The following SYNE1 variants were observed in gnomAD, a reference collection of about 807,000 sequenced individuals.
SYNE1 encodes the protein nesprin-1.
In SYNE1, 616 loss-of-function variants were observed where a neutral mutation model predicts 1,111.0. The ratio of observed to expected loss-of-function variants is 0.55; its 90% CI spans 0.52 to 0.59. SYNE1 has a LOEUF of 0.59. SYNE1 is among the 20% of genes least tolerant of loss of function. SYNE1 has a pLI of 0.00. For missense variants in SYNE1, 10,006 were observed against 10,417.0 expected (o/e 0.96, Z 1.72); for synonymous variants, 3,855 against 3,825.8 (o/e 1.01, Z -0.28).
At chr6:152,340,480 G>A (rs919717299) in intron 74 of SYNE1, among the ~76,000 whole-genome samples, 4 of 152,068 alleles carry the variant, frequency 2.6e-5, no homozygotes, top group Admixed American at 6.5e-5. Context: ...AGCATCCTTC[G>A]CGTCTACCCA....
In SYNE1 at chr6:152,276,878, CT is replaced by C. The variant is rs539497198; in HGVS notation, c.18573+1210del. Among the ~76,000 whole-genome samples the C allele has an allele frequency of 9.7e-3, 990 of 102,156 alleles. 3 individuals carry two copies. The highest frequency in any genetic ancestry group is 0.034 in the African/African-American group (858 of 25,188). 67.0% of individuals were successfully genotyped at this position (102,156 alleles called of 152,430 possible). ...GGTAGGGAAGACCAAACTCTGCACT[CT>C]TTTTTTTTTTTTTTTTTTTTTTTGA... On this transcript the variant is annotated intron_variant, in intron 98 of 145. Transcript: ENST00000367255.
chr6:152,412,846 A>G (rs537055012), intron 42 of SYNE1, among the ~76,000 whole-genome samples: 8 of 115,844 alleles, frequency 6.9e-5, no homozygotes, highest in Non-Finnish European at 1.4e-4. Context: ...TCAATTTCAC[A>G]TGTAATTTTT....
chr6:152,358,299 C>G, intron 66 of SYNE1, 74 bp downstream of exon 66: 1 of 1,604,146 alleles, frequency 6.2e-7, no homozygotes, highest in South Asian at 1.1e-5. Flanking sequence ...TTTCTATTAA[C>G]TTCCTATTGC....
chr6:152,294,151 G>C (rs769136305), intron 93 of SYNE1, 24 bp from the exon 94 acceptor site: 117 of 1,611,442 alleles, frequency 7.3e-5, no homozygotes, highest in Non-Finnish European at 9.9e-5. Context: ...GCACAGTATT[G>C]AATTAAACAA....
rs114517406 is a variant in SYNE1 at position 152,148,738 on chromosome 6, T to C, written c.24643-360A>G. 2.4e-3 allele frequency among the ~76,000 whole-genome samples: 360 copies of C among 151,980 alleles called. 3 individuals carry two copies. The highest frequency in any genetic ancestry group is 8.2e-3 in the African/African-American group (342 of 41,476). On this transcript the variant is annotated intron_variant, in intron 136 of 145. Coordinates refer to ENST00000367255, the MANE Select transcript of SYNE1 (RefSeq NM_182961.4). The surrounding 1 kb of genome is among the most constrained non-coding windows in gnomAD (Gnocchi z 4.1). ...TTATCCTACATAAGCCTCAGTTTCA[T>C]TGTTGGTAAAATGGGAATAACATTA...
intron 3 of SYNE1, among the ~76,000 whole-genome samples, chr6:152,578,390 T>A (rs1049848463): frequency 1.3e-5 from 2 of 152,112 alleles, no homozygotes; most frequent in African/African-American, 4.8e-5. Flanking sequence ...AGGTCAGAAA[T>A]TCAAGACCAG....
chr6:152,221,667 T>C (rs1301928502), intron 117 of SYNE1, 108 bp from the exon 118 acceptor site: 2 of 1,405,668 alleles, frequency 1.4e-6, no homozygotes, highest in Non-Finnish European at 2.0e-6. Context: ...TATACTTGTA[T>C]AAACCAGGCA....
chr6:152,519,268 C>T (rs901048650), intron 6 of SYNE1, among the ~76,000 whole-genome samples: 9 of 152,072 alleles, frequency 5.9e-5, no homozygotes, highest in Non-Finnish European at 1.5e-5. Flanking sequence ...TTCTAAATGC[C>T]ACTCATCACT....
At chr6:152,348,196 C>T (rs1045234830) in intron 72 of SYNE1, among the ~76,000 whole-genome samples, 7 of 152,096 alleles carry the variant, frequency 4.6e-5, no homozygotes, top group East Asian at 1.9e-4. Flanking sequence ...ATAAGCCTGA[C>T]GAATGTGTAT....
chr6:152,143,608 G>A lies in SYNE1; in HGVS notation c.25119+15C>T, dbSNP rs984543384. ...GTTTCGCACAGGTCGGAATCAGGAT[G>A]GCCAGGATACTTACGTAGCCTTTGT... is the stretch of plus-strand genomic sequence containing the variant. On this transcript the variant is annotated intron_variant, in intron 138 of 145. Transcript: ENST00000367255. 4 of 1,614,100 alleles carry A rather than the reference G, an allele frequency of 2.5e-6. No individual in the cohort carries two copies. In the South Asian group the frequency reaches 4.4e-5, roughly 18 times the overall value.
In SYNE1 at chr6:152,213,812, T is replaced by A. The variant is rs2763029; in HGVS notation, c.22347-53A>T. 0.42 allele frequency: 675,819 copies of A among 1,609,148 alleles called. 146,032 individuals are homozygous for A. The highest frequency in any genetic ancestry group is 0.45 in the Non-Finnish European group (524,877 of 1,176,412). ...GGTTATTTCACTGCTTATTCTTACT[T>A]CTCTAGCATATAAAACTAGATTAAA... On this transcript the variant is annotated intron_variant, in intron 122 of 145. Transcript: ENST00000367255.
rs2092093757 is a variant in SYNE1, at chr6:152,262,180, G to C, written c.18824C>G (p.Pro6275Arg). Reference protein sequence around the residue: ...AETSGDAGEKPDVLSQELGME... With the variant: ...AETSGDAGEKRDVLSQELGME... ...CCCCAACTCCTGGGATAACACATCA[G>C]GTTTTTCGCTATTAGAAGAATAAAT... Residue 6275 changes from proline to arginine, a missense_variant, in exon 101 of 146, where the codon CCT becomes CGT. Transcript: ENST00000367255. 6.2e-7 allele frequency: 1 copy of C among 1,613,564 alleles called. No homozygotes were observed. Among genetic ancestry groups the C allele is most frequent in the African/African-American group, 1.3e-5 (1 of 74,960 alleles).
rs1370865947 is a variant in SYNE1 at position 152,416,497 on chromosome 6, T to C, written c.5940A>G (p.Lys1980=). The C allele has an allele frequency of 6.2e-7, 1 of 1,614,118 alleles. No individual in the cohort carries two copies. Among genetic ancestry groups the C allele is most frequent in the Non-Finnish European group, 8.5e-7 (1 of 1,180,014 alleles). Residue 1980 remains lysine, a synonymous_variant, in exon 41 of 146, where the codon AAA becomes AAG. Coordinates refer to ENST00000367255, the MANE Select transcript of SYNE1 (RefSeq NM_182961.4). ...CCTCTTTCTGGTCTTGGAATGCTTT[T>C]TTCAACACTGCCAGAGCATCTGCCT... ...QSEADALAVL[K]KAFQDQKEEL...
At chr6:152,470,098 A>G (rs1564273050) in intron 16 of SYNE1, among the ~76,000 whole-genome samples, 1 of 152,212 alleles carries the variant, frequency 6.6e-6, no homozygotes, top group Non-Finnish European at 1.5e-5. Context: ...CAATTTTATG[A>G]ATAGTTATGA....
At position 152,413,118 on chromosome 6, in the gene SYNE1, T is replaced by C. The variant is rs138638560; in HGVS notation, c.6230+234A>G. 0.027 allele frequency among the ~76,000 whole-genome samples: 4,039 copies of C among 152,338 alleles called. 62 individuals are homozygous for C. Among genetic ancestry groups the C allele is most frequent in the Non-Finnish European group, 0.036 (2,428 of 68,034 alleles). On this transcript the variant is annotated intron_variant, in intron 42 of 145. Coordinates refer to ENST00000367255, the MANE Select transcript of SYNE1 (RefSeq NM_182961.4). ...CGCCTGCCTTGGCCTCCCAAAGTGCTGGGATTACAGGCATGAGCCACCGTG... is the reference window on the plus strand; with the variant it reads ...CGCCTGCCTTGGCCTCCCAAAGTGCCGGGATTACAGGCATGAGCCACCGTG...
At chr6:152,521,521 G>A (rs1301146529) in intron 5 of SYNE1, among the ~76,000 whole-genome samples, 1 of 152,116 alleles carries the variant, frequency 6.6e-6, no homozygotes, top group Non-Finnish European at 1.5e-5. Flanking sequence ...GATTTTGACA[G>A]ATACCTTAAA....
At chr6:152,558,263 T>C (rs1301938349) in intron 3 of SYNE1, among the ~76,000 whole-genome samples, 1 of 152,236 alleles carries the variant, frequency 6.6e-6, no homozygotes, top group Admixed American at 6.5e-5. Context: ...CACAAGAGGA[T>C]GGCAAGAGAG....
chr6:152,560,711 C>A (rs1001508200), intron 3 of SYNE1, among the ~76,000 whole-genome samples: 1 of 152,152 alleles, frequency 6.6e-6, no homozygotes, highest in Non-Finnish European at 1.5e-5. Flanking sequence ...CCAAATTCAA[C>A]ATGACCATGG....
chr6:152,480,911 T>G, intron 14 of SYNE1: 1 of 412,124 alleles, frequency 2.4e-6, no homozygotes, highest in South Asian at 1.8e-5. Context: ...CACTAGACTT[T>G]GGCAGAGAGA....
Sources: gnomAD v4.1 joint callset for allele counts (sites outside exome capture counted in the v4.1 genomes callset) on GRCh38, gnomAD v4.1.1 for gene constraint, Gnocchi (gnomAD v3.1) non-coding constraint, MANE v1.5 for transcripts, NCBI Gene and HGNC (gene_info 2026-07-23, HGNC 2026-07-21) for gene names.